Variants in RILPL1 observed in about 807,000 individuals in gnomAD.
RILPL1 encodes the protein Rab interacting lysosomal protein like 1.
In RILPL1, 33 loss-of-function variants were observed where a neutral mutation model predicts 50.3. That is an observed-to-expected ratio of 0.66 (90% CI 0.50 to 0.88). The LOEUF is 0.88. Ranked by LOEUF, RILPL1 falls within the 40% of genes least tolerant of loss-of-function variation. The pLI is 0.00. For missense variants in RILPL1, 418 were observed against 542.5 expected (o/e 0.77, Z 2.28); for synonymous variants, 205 against 228.6 (o/e 0.90, Z 0.93).
rs140414334 is a variant in RILPL1 at position 123,509,758 on chromosome 12, G to A, written c.461-10222C>T. On this transcript the variant is annotated intron_variant, in intron 2 of 6. Transcript: ENST00000376874. ...GTCAGCAAGATGAAAGGGGTCCAGCGCCCTGCTGCCCACCCTCATGCACAC... is the reference window on the plus strand; with the variant it reads ...GTCAGCAAGATGAAAGGGGTCCAGCACCCTGCTGCCCACCCTCATGCACAC... Among the ~76,000 whole-genome samples, 21 of 152,296 alleles carry A rather than the reference G, an allele frequency of 1.4e-4. 1 individual carries two copies. The East Asian group carries it at 1.9e-3, about 14-fold the overall frequency.
Position 123,533,168 on chromosome 12 carries a change from G to A in RILPL1, c.309+6C>T, listed in dbSNP as rs1368644455. The A allele has an allele frequency of 2.0e-6, 3 of 1,532,042 alleles. No homozygotes were observed. The highest frequency in any genetic ancestry group is 2.4e-5 in the East Asian group (1 of 41,326). The allele number at this position is 1,532,042 out of a possible 1,614,324, so 94.9% of individuals were successfully genotyped here. A position where few individuals can be genotyped will look rare whatever the true frequency, so the allele number is the denominator to read the frequency against. ...CCCGGACGGACAGACCGAGGCCGCC[G>A]CCCACCTTCTGGTGCTTGCGCTCCT... On this transcript the variant is annotated splice_donor_region_variant and intron_variant, in intron 1 of 6. Transcript: ENST00000376874. The surrounding 1 kb of genome is among the most constrained non-coding windows in gnomAD (Gnocchi z 6.2).
intron 2 of RILPL1, chr12:123,518,290 G>C (rs1252469140): frequency 2.5e-6 from 1 of 396,358 alleles, no homozygotes; most frequent in African/African-American, 2.1e-5. Context: ...GATTGCTTGA[G>C]GCCGGGAGTT....
At chr12:123,481,295 G>A (rs991253785) in intron 6 of RILPL1, among the ~76,000 whole-genome samples, 3 of 151,650 alleles carry the variant, frequency 2.0e-5, no homozygotes, top group African/African-American at 7.3e-5. Context: ...GGAGGTGGAG[G>A]CTGCAGTGAG....
chr12:123,472,469 CT>C lies in RILPL1; in HGVS notation c.*68del. 1 of 1,532,946 alleles carries C rather than the reference CT, an allele frequency of 6.5e-7. No homozygotes were observed. Among genetic ancestry groups the C allele is most frequent in the African/African-American group, 1.4e-5 (1 of 72,778 alleles). The allele number at this position is 1,532,946 out of a possible 1,614,324, so 95.0% of individuals were successfully genotyped here. Reference sequence around the variant, plus strand: ...GAGAGGCTTGAGGCAGCAATGACCCCTGGGCTGCAGTTCGGTTGCAGGCGCT... The same window carrying C: ...GAGAGGCTTGAGGCAGCAATGACCCCGGGCTGCAGTTCGGTTGCAGGCGCT... On this transcript the variant is annotated 3_prime_UTR_variant, in exon 7 of 7. Coordinates refer to ENST00000376874, the MANE Select transcript of RILPL1 (RefSeq NM_178314.5).
In RILPL1 at chr12:123,523,475, TG is replaced by T. The variant is rs1885140413; in HGVS notation, c.460+19del. The T allele has an allele frequency of 1.9e-6, 3 of 1,613,722 alleles. No homozygotes were observed. The highest frequency in any genetic ancestry group is 2.5e-6 in the Non-Finnish European group (3 of 1,179,770). On this transcript the variant is annotated intron_variant, in intron 2 of 6. Transcript: ENST00000376874. Reference sequence around the variant, plus strand: ...AAAGGAATGGCCGGCCCCCTTGCATTGGCGCCGACCCCCACTTACCTTCATG... The same window carrying T: ...AAAGGAATGGCCGGCCCCCTTGCATTGCGCCGACCCCCACTTACCTTCATG...
At chr12:123,502,972 C>T (rs1883493357) in intron 2 of RILPL1, among the ~76,000 whole-genome samples, 1 of 151,618 alleles carries the variant, frequency 6.6e-6, no homozygotes, top group Admixed American at 6.6e-5. Context: ...ACTGCAGCCT[C>T]CCCCTCCTGG....
At chr12:123,487,337 C>CT (rs1226908992) in intron 4 of RILPL1, among the ~76,000 whole-genome samples, 1 of 151,896 alleles carries the variant, frequency 6.6e-6, no homozygotes, top group Admixed American at 6.6e-5. Context: ...GCATCTCACT[C>CT]TGTCACCCAG....
chr12:123,472,940 C>T, intron 6 of RILPL1: 2 of 414,652 alleles, frequency 4.8e-6, no homozygotes, highest in Admixed American at 3.6e-5. Flanking sequence ...TGTGAGGTGT[C>T]TTCCACGTTA....
intron 1 of RILPL1, among the ~76,000 whole-genome samples, chr12:123,528,674 G>A (rs893526591): frequency 2.6e-5 from 4 of 152,040 alleles, no homozygotes; most frequent in African/African-American, 7.2e-5. Flanking sequence ...TGATCCGCCC[G>A]CTTCAGCCTC....
intron 2 of RILPL1, among the ~76,000 whole-genome samples, chr12:123,513,050 T>C (rs926978505): frequency 1.7e-5 from 2 of 119,402 alleles, no homozygotes; most frequent in Admixed American, 8.5e-5. Context: ...GTGTGAGGTT[T>C]GTGTGTGAGG....
In RILPL1 at chr12:123,533,671, G is replaced by A. The variant is rs1161477177; in HGVS notation, c.-189C>T. On this transcript the variant is annotated 5_prime_UTR_variant, in exon 1 of 7. Coordinates refer to ENST00000376874, the MANE Select transcript of RILPL1 (RefSeq NM_178314.5). This position sits in a 1 kb window ranked among gnomAD's most constrained non-coding sequence, Gnocchi z 6.2. ...GGGCACGGGCGGCGGCGCGGGGTGT[G>A]CGGGCCCGGGGTCTGGGCGCCCGGC... 1.3e-3 allele frequency: 234 copies of A among 180,092 alleles called. 1 individual carries two copies. The highest frequency in any genetic ancestry group is 5.5e-3 in the African/African-American group (228 of 41,428). 11.2% of individuals were successfully genotyped at this position (180,092 alleles called of 1,614,324 possible).
chr12:123,492,234 AAT>A (rs35746066), intron 4 of RILPL1, among the ~76,000 whole-genome samples: 95 of 145,240 alleles, frequency 6.5e-4, no homozygotes, highest in African/African-American at 1.2e-3. Flanking sequence ...AAGAAAAAAA[AAT>A]ATATATATAT....
At chr12:123,505,083 C>T (rs1308523198) in intron 2 of RILPL1, among the ~76,000 whole-genome samples, 10 of 152,102 alleles carry the variant, frequency 6.6e-5, no homozygotes, top group Non-Finnish European at 1.3e-4. Flanking sequence ...CTTTATTGCC[C>T]AGGCTGGAGT....
chr12:123,518,148 G>A (rs1342181342), intron 2 of RILPL1, among the ~76,000 whole-genome samples: 3 of 152,076 alleles, frequency 2.0e-5, no homozygotes, highest in Non-Finnish European at 4.4e-5. Flanking sequence ...GGAGATGGAT[G>A]GTGGTGGCGG....
chr12:123,472,973 G>A (rs1358822641), intron 6 of RILPL1: 27 of 296,174 alleles, frequency 9.1e-5, no homozygotes, highest in East Asian at 5.0e-4. Flanking sequence ...GATTTATCCC[G>A]TTACCAGTGG....
In RILPL1 at chr12:123,485,552, G is replaced by T; in HGVS notation, c.974+81C>A. The T allele has an allele frequency of 7.7e-7, 1 of 1,304,668 alleles. No homozygotes were observed. The highest frequency in any genetic ancestry group is 1.1e-6 in the Non-Finnish European group (1 of 932,640). The allele number at this position is 1,304,668 out of a possible 1,614,324, so 80.8% of individuals were successfully genotyped here. ...CTGATGAAATGCTTGTCTTCCAGGGGGTAAGAAGGTAACTGTACAGAAACT... is the reference window on the plus strand; with the variant it reads ...CTGATGAAATGCTTGTCTTCCAGGGTGTAAGAAGGTAACTGTACAGAAACT... On this transcript the variant is annotated intron_variant, in intron 5 of 6. Coordinates refer to ENST00000376874, the MANE Select transcript of RILPL1 (RefSeq NM_178314.5). This position sits in a 1 kb window ranked among gnomAD's most constrained non-coding sequence, Gnocchi z 4.0.
chr12:123,484,332 T>C (rs2139316899), intron 5 of RILPL1, 60 bp from the exon 6 acceptor site: 1 of 1,112,060 alleles, frequency 9.0e-7, no homozygotes, highest in East Asian at 2.4e-5. Context: ...AACTGGAACA[T>C]TCCAGAAGAG....
Position 123,533,510 on chromosome 12 carries a change from C to G in RILPL1, c.-28G>C. On this transcript the variant is annotated 5_prime_UTR_variant, in exon 1 of 7. Transcript: ENST00000376874. The surrounding 1 kb of genome is among the most constrained non-coding windows in gnomAD (Gnocchi z 6.2). Reference sequence around the variant, plus strand: ...CCACCCTCCTGGCCTGTCCCCCGCCCCGCAAACTCGTGCAACTCCCAAACT... The same window carrying G: ...CCACCCTCCTGGCCTGTCCCCCGCCGCGCAAACTCGTGCAACTCCCAAACT... 6.8e-7 allele frequency: 1 copy of G among 1,472,138 alleles called. No homozygotes were observed. 91.2% of individuals were successfully genotyped at this position (1,472,138 alleles called of 1,614,324 possible).
chr12:123,499,531 A>C lies in RILPL1; in HGVS notation c.466T>G (p.Ser156Ala). 1 of 1,612,910 alleles carries C rather than the reference A, an allele frequency of 6.2e-7. No homozygotes were observed. The highest frequency in any genetic ancestry group is 8.5e-7 in the Non-Finnish European group (1 of 1,179,132). The change falls in exon 3 of 7, where the codon TCA becomes GCA. Residue 156 changes from serine (S) to alanine (A), a missense_variant. Transcript: ENST00000376874. ...TTCATCACCTGTCGCTCCCGCTCTGACATGCCTGGGTGGGCAAGTGAGACC... is the reference window on the plus strand; with the variant it reads ...TTCATCACCTGTCGCTCCCGCTCTGCCATGCCTGGGTGGGCAAGTGAGACC... ...EEEFQKHEGM[S>A]ERERQVMKKL...
Sources: gnomAD v4.1 joint callset for allele counts (sites outside exome capture counted in the v4.1 genomes callset) on GRCh38, gnomAD v4.1.1 for gene constraint, Gnocchi (gnomAD v3.1) non-coding constraint, MANE v1.5 for transcripts, NCBI Gene and HGNC (gene_info 2026-07-23, HGNC 2026-07-21) for gene names.